CPB1: variants seen among roughly 807,000 people sequenced by gnomAD.
CPB1 encodes the protein carboxypeptidase B.
Under a neutral mutation model 51.4 loss-of-function variants are expected in CPB1, and 53 were observed. That is an observed-to-expected ratio of 1.03 (90% CI 0.83 to 1.30). The LOEUF (loss-of-function observed/expected upper bound fraction) is 1.30. CPB1 is among the 50% of genes most tolerant of loss of function. The pLI, the probability that CPB1 is intolerant of heterozygous loss-of-function variation, is 0.00. For synonymous variants in CPB1, 189 were observed against 186.9 expected, an observed-to-expected ratio of 1.01 and a Z score of -0.09; for missense variants, 494 against 516.2, an observed-to-expected ratio of 0.96 and a Z score of 0.42.
intron 9 of CPB1, chr3:148,851,334 C>CAAAAAAAAAAAAA (rs59423779): frequency 1.2e-5 from 1 of 82,082 alleles, no homozygotes; most frequent in Non-Finnish European, 2.3e-5. Flanking sequence ...GACCCTGTCT[C>CAAAAAAAAAAAAA]AAAAAAAAAA....
intron 5 of CPB1, 115 bp downstream of exon 5, chr3:148,841,090 C>A: frequency 1.3e-6 from 1 of 798,880 alleles, no homozygotes; most frequent in Non-Finnish European, 2.0e-6. Context: ...ATAACTCTTT[C>A]CTGCCTACAT....
At chr3:148,835,552 T>C (rs561057476) in intron 3 of CPB1, among the ~76,000 whole-genome samples, 3 of 152,252 alleles carry the variant, frequency 2.0e-5, no homozygotes, top group Admixed American at 2.0e-4. Flanking sequence ...GACCATATGC[T>C]GAGGCTTAGA....
chr3:148,843,154 G>A (rs973177199), intron 6 of CPB1, among the ~76,000 whole-genome samples: 1 of 152,112 alleles, frequency 6.6e-6, no homozygotes, highest in Non-Finnish European at 1.5e-5. Context: ...GACATTAGTG[G>A]ATAAACTTGT....
At chr3:148,827,926 T>C in intron 1 of CPB1, 32 bp downstream of exon 1, 10 of 1,611,708 alleles carry the variant, frequency 6.2e-6, no homozygotes, top group Non-Finnish European at 8.5e-6. Context: ...AGCAAGTCCT[T>C]CTTCCTTGCT....
chr3:148,854,291 T>A (rs1183692991), intron 9 of CPB1: 1 of 152,190 alleles, frequency 6.6e-6, no homozygotes, highest in African/African-American at 2.4e-5. Context: ...AGAAGATAAA[T>A]GAGTAACATT....
chr3:148,857,974 G>C (rs1713633449), intron 10 of CPB1, among the ~76,000 whole-genome samples: 4 of 152,084 alleles, frequency 2.6e-5, no homozygotes, highest in Admixed American at 2.6e-4. Context: ...CATCTACTGA[G>C]CACTTACTAT....
Position 148,844,907 on chromosome 3 carries a change from A to C in CPB1, c.778+140A>C, listed in dbSNP as rs541858802. 3.3e-5 allele frequency: 25 copies of C among 769,196 alleles called. No homozygotes were observed. The South Asian group carries it at 4.2e-4, about 13-fold the overall frequency. The allele number at this position is 769,196 out of a possible 1,614,324, so 47.6% of individuals were successfully genotyped here. On this transcript the variant is annotated intron_variant, in intron 8 of 10. Coordinates refer to ENST00000282957, the MANE Select transcript of CPB1 (RefSeq NM_001871.3). The stretch of plus-strand genomic sequence containing the variant: ...ACCTTCTAAAAGCACCAAAAAAAAA[A>C]AAACCAGTTTAATTCATTTGACCAA...
chr3:148,859,764 A>T, intron 10 of CPB1, 51 bp from the exon 11 acceptor site: 3 of 1,504,456 alleles, frequency 2.0e-6, no homozygotes, highest in Non-Finnish European at 2.7e-6. Flanking sequence ...AATTTTTTAA[A>T]GCTCCTTCCT....
rs1199091694 is a variant in CPB1, at chr3:148,840,720, G to C, written c.307G>C (p.Ala103Pro). ...LISNLRNVVEAQFDSRVRATG... is the reference protein window; with the variant it reads ...LISNLRNVVEPQFDSRVRATG... ...AAGCAACCTGAGAAATGTGGTGGAGGCTCAGTTTGATAGCCGGGTTCGTGC... is the reference window on the plus strand; with the variant it reads ...AAGCAACCTGAGAAATGTGGTGGAGCCTCAGTTTGATAGCCGGGTTCGTGC... The change falls in exon 4 of 11, where the codon GCT (alanine) becomes CCT (proline). Residue 103 changes from alanine (A) to proline (P), a missense_variant. Coordinates refer to ENST00000282957, the MANE Select transcript of CPB1 (RefSeq NM_001871.3). 1.2e-6 allele frequency: 2 copies of C among 1,614,028 alleles called. No homozygotes were observed. Among genetic ancestry groups the C allele is most frequent in the South Asian group, 2.2e-5 (2 of 91,076 alleles).
At chr3:148,853,838 G>A (rs1248879558) in intron 9 of CPB1, among the ~76,000 whole-genome samples, 2 of 152,212 alleles carry the variant, frequency 1.3e-5, no homozygotes, top group African/African-American at 4.8e-5. Context: ...TTTATCCTCT[G>A]TGAGTGTTAG....
intron 9 of CPB1, chr3:148,856,212 G>A (rs1234567713): frequency 1.3e-5 from 2 of 152,200 alleles, no homozygotes; most frequent in African/African-American, 4.8e-5. Context: ...TGAGAATAAT[G>A]TTAGTTCCAG....
In CPB1 at chr3:148,836,072, AAT is replaced by A. The variant is rs200030545; in HGVS notation, c.272+1460_272+1461del. On this transcript the variant is annotated intron_variant, in intron 3 of 10. Transcript: ENST00000282957. ...CTCAAAGGGCTGTTGTAAAAATAAAAATATATATATAAATAAATTACAACTGG... is the reference window on the plus strand; with the variant it reads ...CTCAAAGGGCTGTTGTAAAAATAAAAATATATATAAATAAATTACAACTGG... Among the ~76,000 whole-genome samples the A allele has an allele frequency of 5.1e-3, 783 of 152,120 alleles. 4 individuals are homozygous for A. The highest frequency in any genetic ancestry group is 8.8e-3 in the Non-Finnish European group (599 of 68,006).
chr3:148,831,533 T>A (rs1348957607), intron 2 of CPB1, among the ~76,000 whole-genome samples: 1 of 152,202 alleles, frequency 6.6e-6, no homozygotes, highest in African/African-American at 2.4e-5. Context: ...CCAATCTTAT[T>A]CCTGGAAAAA....
chr3:148,831,785 A>G (rs1291198784), intron 2 of CPB1, among the ~76,000 whole-genome samples: 2 of 152,190 alleles, frequency 1.3e-5, no homozygotes, highest in Non-Finnish European at 2.9e-5. Flanking sequence ...TCTACATCCT[A>G]TATTTCACTC....
intron 9 of CPB1, chr3:148,856,268 G>A (rs2108022071): frequency 6.6e-6 from 1 of 152,162 alleles, no homozygotes; most frequent in East Asian, 1.9e-4. Flanking sequence ...AAAATAATGA[G>A]TTACATTTAA....
chr3:148,854,118 C>T (rs1433574364), intron 9 of CPB1: 1 of 151,950 alleles, frequency 6.6e-6, no homozygotes, highest in Non-Finnish European at 1.5e-5. Context: ...AGAGTTACCA[C>T]TCTAAATTGT....
chr3:148,833,512 T>C (rs1712799506), intron 2 of CPB1, among the ~76,000 whole-genome samples: 1 of 152,114 alleles, frequency 6.6e-6, no homozygotes, highest in Non-Finnish European at 1.5e-5. Context: ...TGGTCCTAAA[T>C]ATCACCATCA....
intron 9 of CPB1, among the ~76,000 whole-genome samples, chr3:148,850,549 G>A (rs763726977): frequency 4.6e-5 from 7 of 152,138 alleles, no homozygotes; most frequent in Non-Finnish European, 5.9e-5. Context: ...TGATCCGCCT[G>A]CCTCAGCCTC....
At position 148,845,187 on chromosome 3, in the gene CPB1, C is replaced by T. The variant is rs570934764; in HGVS notation, c.779-237C>T. Among the ~76,000 whole-genome samples the T allele has an allele frequency of 3.3e-5, 5 of 152,214 alleles. No individual in the cohort carries two copies. In the South Asian group the frequency reaches 6.2e-4, roughly 19 times the overall value. On this transcript the variant is annotated intron_variant, in intron 8 of 10. Transcript: ENST00000282957. ...ATTGATATCATTGTGTAATACTACACGGAGACACATTGGTGATTCCATATG... is the reference window on the plus strand; with the variant it reads ...ATTGATATCATTGTGTAATACTACATGGAGACACATTGGTGATTCCATATG...
Sources: gnomAD v4.1 joint callset for allele counts (sites outside exome capture counted in the v4.1 genomes callset) on GRCh38, gnomAD v4.1.1 for gene constraint, MANE v1.5 for transcripts, NCBI Gene and HGNC (gene_info 2026-07-23, HGNC 2026-07-21) for gene names.